Variants in DAB1 observed in about 807,000 individuals in gnomAD.
The protein encoded by DAB1 is disabled homolog 1.
A neutral mutation model predicts 64.6 loss-of-function variants in DAB1; 15 were observed. The observed-to-expected ratio is 0.23, with a 90% CI of 0.16 to 0.36. DAB1 has a LOEUF of 0.36. Among genes scored for constraint, DAB1 ranks in the 10% least tolerant of loss-of-function variants. The pLI, the probability that DAB1 is intolerant of heterozygous loss-of-function variation, is 1.00. For missense variants in DAB1, 596 were observed against 706.7 expected (o/e 0.84, Z 1.78); for synonymous variants, 235 against 251.9 (o/e 0.93, Z 0.64).
At chr1:57,237,542 T>C (rs2100458653) in intron 2 of DAB1, among the ~76,000 whole-genome samples, 1 of 152,338 alleles carries the variant, frequency 6.6e-6, no homozygotes, top group South Asian at 2.1e-4. Flanking sequence ...GCATTCATTA[T>C]ATATTTTTCT....
At chr1:57,233,280 T>TTTTTTTTTTA in intron 2 of DAB1, among the ~76,000 whole-genome samples, 1 of 83,816 alleles carries the variant, frequency 1.2e-5, no homozygotes, top group Admixed American at 1.5e-4. Context: ...TTTTTTTTTT[T>TTTTTTTTTTA]GAGACGGAGT....
chr1:58,130,650 C>A (rs1653489298), intron 5 of DAB1, among the ~76,000 whole-genome samples: 1 of 151,850 alleles, frequency 6.6e-6, no homozygotes, highest in Non-Finnish European at 1.5e-5. Context: ...TAAGGCAGGC[C>A]TGGTGGTGAC....
At chr1:57,427,673 T>G (rs1685341059), upstream of DAB1, among the ~76,000 whole-genome samples, 1 of 152,218 alleles carries the variant, frequency 6.6e-6, no homozygotes, top group Non-Finnish European at 1.5e-5. Context: ...TGCTGTAAAC[T>G]ATGGGCATTT....
intron 3 of DAB1, among the ~76,000 whole-genome samples, chr1:58,498,241 T>TAA (rs56349030): frequency 1.4e-5 from 2 of 143,664 alleles, no homozygotes; most frequent in Non-Finnish European, 3.1e-5. Flanking sequence ...AACTAAAAGT[T>TAA]AAAAAAAAAA....
intron 3 of DAB1, among the ~76,000 whole-genome samples, chr1:58,463,369 A>G (rs1645262794): frequency 6.6e-6 from 1 of 152,180 alleles, no homozygotes. Context: ...ACAAGGGAAG[A>G]GCTGGCTCCA....
intron 7 of DAB1, among the ~76,000 whole-genome samples, chr1:57,543,551 T>C: frequency 6.6e-6 from 1 of 152,206 alleles, no homozygotes; most frequent in Non-Finnish European, 1.5e-5. Flanking sequence ...AAAAACAAAC[T>C]GTAATAAAAG....
intron 4 of DAB1, among the ~76,000 whole-genome samples, chr1:58,262,646 G>T (rs977749909): frequency 2.0e-5 from 3 of 152,108 alleles, no homozygotes; most frequent in African/African-American, 7.2e-5. Context: ...TGCAAACTGA[G>T]TATAATAAAT....
intron 5 of DAB1, among the ~76,000 whole-genome samples, chr1:57,072,080 A>G (rs1046560212): frequency 2.2e-5 from 3 of 138,226 alleles, no homozygotes; most frequent in African/African-American, 5.2e-5. Flanking sequence ...AAAAAAAAAA[A>G]ACAGAAAAAA....
chr1:58,132,608 A>G (rs371301109), intron 5 of DAB1, among the ~76,000 whole-genome samples: 38 of 152,086 alleles, frequency 2.5e-4, no homozygotes, highest in African/African-American at 9.2e-4. Flanking sequence ...ATCAACTGCC[A>G]CCCCTGAAGG....
chr1:58,414,937 C>A (rs144756005), intron 3 of DAB1, among the ~76,000 whole-genome samples: 1 of 152,110 alleles, frequency 6.6e-6, no homozygotes, highest in East Asian at 1.9e-4. Context: ...ATTTGGGTAA[C>A]AACAAATGTG....
At chr1:57,680,250 C>T (rs932925769) in intron 6 of DAB1, among the ~76,000 whole-genome samples, 3 of 152,210 alleles carry the variant, frequency 2.0e-5, no homozygotes, top group Non-Finnish European at 4.4e-5. Flanking sequence ...GGGAACTATA[C>T]TTCAGCTTTG....
chr1:57,072,782 C>T (rs374559436), intron 4 of DAB1, among the ~76,000 whole-genome samples: 3 of 152,180 alleles, frequency 2.0e-5, no homozygotes, highest in Admixed American at 6.5e-5. Flanking sequence ...CTTAAATACT[C>T]GGGGACCGTG....
intron 7 of DAB1, among the ~76,000 whole-genome samples, chr1:57,576,734 T>C (rs911768341): frequency 3.3e-5 from 5 of 152,334 alleles, no homozygotes; most frequent in African/African-American, 1.2e-4. Flanking sequence ...TGATATATAC[T>C]GCCTACAGCA....
chr1:57,871,114 C>T (rs1455072814), intron 1 of DAB1, among the ~76,000 whole-genome samples: 2 of 152,140 alleles, frequency 1.3e-5, no homozygotes, highest in South Asian at 2.1e-4. Context: ...GGAGCAGCAG[C>T]AATATCACCC....
chr1:57,802,612 TG>T (rs939768534), intron 6 of DAB1, among the ~76,000 whole-genome samples: 6 of 152,196 alleles, frequency 3.9e-5, no homozygotes, highest in Admixed American at 3.3e-4. Context: ...GATTGGATTA[TG>T]GGGTCAGACT....
chr1:57,794,219 T>C (rs971522230), intron 6 of DAB1, among the ~76,000 whole-genome samples: 2 of 152,156 alleles, frequency 1.3e-5, no homozygotes, highest in African/African-American at 4.8e-5. Context: ...CAACTTTTTG[T>C]CAACATCAGT....
chr1:57,428,780 C>A (rs1685383058), upstream of DAB1, among the ~76,000 whole-genome samples: 1 of 146,540 alleles, frequency 6.8e-6, no homozygotes, highest in Non-Finnish European at 1.5e-5. Flanking sequence ...GTCCCACCAA[C>A]AGCGTACAAA....
At chr1:57,178,296 T>C (rs1394204876) in intron 2 of DAB1, among the ~76,000 whole-genome samples, 2 of 126,842 alleles carry the variant, frequency 1.6e-5, no homozygotes, top group Non-Finnish European at 3.1e-5. Context: ...CACCAAGATA[T>C]ATGCAAAAAA....
In DAB1 at chr1:57,012,705, T is replaced by C. The variant is rs142460858; in HGVS notation, c.1445-1433A>G. Among the ~76,000 whole-genome samples the C allele has an allele frequency of 2.5e-3, 374 of 152,340 alleles. 2 individuals are homozygous for C. The highest frequency in any genetic ancestry group is 8.7e-3 in the African/African-American group (361 of 41,580). ...GGAGATGACTATGGAACAAACTGTATTGAAAGTGGGTTTAAAGCTATATGC... is the reference window on the plus strand; with the variant it reads ...GGAGATGACTATGGAACAAACTGTACTGAAAGTGGGTTTAAAGCTATATGC... On this transcript the variant is annotated intron_variant, in intron 12 of 14. Transcript: ENST00000371236.
Sources: gnomAD v4.1 joint callset for allele counts (sites outside exome capture counted in the v4.1 genomes callset) on GRCh38, gnomAD v4.1.1 for gene constraint, MANE v1.5 for transcripts, NCBI Gene and HGNC (gene_info 2026-07-23, HGNC 2026-07-21) for gene names.